The following PLCXD2 variants were observed in gnomAD, a reference collection of about 807,000 sequenced individuals.
The protein encoded by PLCXD2 is PI-PLC X domain-containing protein 2.
Under a neutral mutation model 28.6 loss-of-function variants are expected in PLCXD2, and 21 were observed. The ratio of observed to expected loss-of-function variants is 0.73; its 90% CI spans 0.52 to 1.06. PLCXD2 has a LOEUF of 1.06. Ranked by LOEUF, PLCXD2 falls within the 50% of genes least tolerant of loss-of-function variation. The pLI is 0.00. For synonymous variants in PLCXD2, 140 were observed against 150.1 expected (o/e 0.93, Z 0.49); for missense variants, 369 against 376.7 (o/e 0.98, Z 0.17).
intron 3 of PLCXD2, chr3:111,724,988 G>A (rs1329493737): frequency 6.6e-6 from 1 of 152,226 alleles, no homozygotes; most frequent in Non-Finnish European, 1.5e-5. Context: ...TACTCAGGGG[G>A]TGTGCAGATA....
At chr3:111,682,984 C>T (rs1940738924) in intron 1 of PLCXD2, among the ~76,000 whole-genome samples, 1 of 152,050 alleles carries the variant, frequency 6.6e-6, no homozygotes, top group African/African-American at 2.4e-5. Flanking sequence ...TACTGAATGC[C>T]CTTTTGTGCC....
intron 3 of PLCXD2, among the ~76,000 whole-genome samples, chr3:111,717,865 T>G (rs1576465011): frequency 6.6e-6 from 1 of 152,202 alleles, no homozygotes; most frequent in Non-Finnish European, 1.5e-5. Context: ...TATTTGCAGC[T>G]TCTCACTTCC....
intron 1 of PLCXD2, among the ~76,000 whole-genome samples, chr3:111,678,237 A>G (rs1407869104): frequency 1.3e-5 from 2 of 152,246 alleles, no homozygotes; most frequent in East Asian, 3.8e-4. Flanking sequence ...CGCAACTGTT[A>G]AGAACACCTG....
intron 1 of PLCXD2, chr3:111,677,247 G>A (rs1404810835): frequency 1.3e-5 from 2 of 152,160 alleles, no homozygotes; most frequent in Non-Finnish European, 2.9e-5. Flanking sequence ...GTATGTATGT[G>A]TAGGCTCAAG....
intron 3 of PLCXD2, chr3:111,723,222 T>C (rs1941370082): frequency 6.6e-6 from 1 of 152,196 alleles, no homozygotes; most frequent in Non-Finnish European, 1.5e-5. Context: ...AGAATTACTG[T>C]TCTCTGTTTT....
Position 111,708,200 on chromosome 3 carries a change from T to A in PLCXD2, c.438T>A (p.Ile146=). The change falls in exon 2 of 5, where the codon ATT becomes ATA. Residue 146 remains isoleucine (I), a synonymous_variant. Transcript: ENST00000477665. ...AGGTCTGGGATGGGCTGATGGAAAT[T>A]GACTCGTTTCTTACACAGCACCCCC... The A allele has an allele frequency of 3.1e-6, 5 of 1,614,138 alleles. No individual in the cohort carries two copies. Among genetic ancestry groups the A allele is most frequent in the Non-Finnish European group, 4.2e-6 (5 of 1,180,018 alleles).
At chr3:111,705,354 A>G (rs573424063) in intron 1 of PLCXD2, among the ~76,000 whole-genome samples, 1 of 152,206 alleles carries the variant, frequency 6.6e-6, no homozygotes, top group East Asian at 1.9e-4. Flanking sequence ...ATTCTTTTTT[A>G]TGGATGAATA....
chr3:111,717,803 T>C (rs1439971097), intron 3 of PLCXD2, among the ~76,000 whole-genome samples: 2 of 152,210 alleles, frequency 1.3e-5, no homozygotes, highest in African/African-American at 2.4e-5. Context: ...AGTACTACTG[T>C]GTCCTTGGTG....
chr3:111,687,691 T>C (rs1940814955), intron 1 of PLCXD2, among the ~76,000 whole-genome samples: 1 of 151,246 alleles, frequency 6.6e-6, no homozygotes, highest in African/African-American at 2.4e-5. Context: ...TTTCTTTTTT[T>C]TTTTTTTGTT....
At chr3:111,697,190 A>G (rs1368075948) in intron 1 of PLCXD2, among the ~76,000 whole-genome samples, 2 of 152,194 alleles carry the variant, frequency 1.3e-5, no homozygotes, top group African/African-American at 4.8e-5. Flanking sequence ...CGTGTGAGCT[A>G]GCAAAAACAT....
At chr3:111,712,762 C>T (rs976889308) in intron 2 of PLCXD2, among the ~76,000 whole-genome samples, 9 of 152,172 alleles carry the variant, frequency 5.9e-5, no homozygotes, top group African/African-American at 2.2e-4. Context: ...CAGTCCAGGC[C>T]TCGTGAGCAT....
At chr3:111,678,028 A>T (rs541036256) in intron 1 of PLCXD2, among the ~76,000 whole-genome samples, 23 of 152,302 alleles carry the variant, frequency 1.5e-4, no homozygotes, top group South Asian at 6.2e-4. Flanking sequence ...ACTGGGTCAG[A>T]TCTATCAGGA....
At chr3:111,714,812 A>T (rs1941247018) in intron 3 of PLCXD2, among the ~76,000 whole-genome samples, 1 of 152,174 alleles carries the variant, frequency 6.6e-6, no homozygotes, top group Non-Finnish European at 1.5e-5. Flanking sequence ...GTATGTGTCT[A>T]TGTACCTGTA....
intron 1 of PLCXD2, among the ~76,000 whole-genome samples, chr3:111,701,710 A>G (rs1941046539): frequency 6.6e-6 from 1 of 152,204 alleles, no homozygotes; most frequent in Non-Finnish European, 1.5e-5. Context: ...CAATGAGTCT[A>G]TCAATGAGAA....
intron 1 of PLCXD2, among the ~76,000 whole-genome samples, chr3:111,688,047 G>A (rs1940822135): frequency 6.6e-6 from 1 of 152,228 alleles, no homozygotes; most frequent in African/African-American, 2.4e-5. Flanking sequence ...AGTTCAGAGT[G>A]TAGGTTGTAG....
At chr3:111,721,007 C>T (rs1941338213) in intron 3 of PLCXD2, 1 of 401,368 alleles carries the variant, frequency 2.5e-6, no homozygotes, top group African/African-American at 2.1e-5. Flanking sequence ...TTTTTTTTCT[C>T]CCTTCCTCAC....
In PLCXD2 at chr3:111,708,452, G is replaced by A. The variant is rs991824398; in HGVS notation, c.624+66G>A. On this transcript the variant is annotated intron_variant, in intron 2 of 4. Coordinates refer to ENST00000477665, the MANE Select transcript of PLCXD2 (RefSeq NM_001185106.1). Reference sequence around the variant, plus strand: ...TAACTCTTCCTGCTTTTCCTGTATTGCCGTCTGTAAAATCACTCAATCCAG... The same window carrying A: ...TAACTCTTCCTGCTTTTCCTGTATTACCGTCTGTAAAATCACTCAATCCAG... 1.5e-5 allele frequency: 21 copies of A among 1,434,816 alleles called. No homozygotes were observed. In the African/African-American group the frequency reaches 2.7e-4, roughly 18 times the overall value. The allele number at this position is 1,434,816 out of a possible 1,614,324, so 88.9% of individuals were successfully genotyped here. A position where few individuals can be genotyped will look rare whatever the true frequency, so the allele number is the denominator to read the frequency against.
At chr3:111,677,429 A>G (rs1431979749) in intron 1 of PLCXD2, 1 of 152,206 alleles carries the variant, frequency 6.6e-6, no homozygotes, top group Non-Finnish European at 1.5e-5. Context: ...AATGGGGGCC[A>G]TCATCGTCCC....
intron 1 of PLCXD2, among the ~76,000 whole-genome samples, chr3:111,706,022 CTTT>C (rs1028190202): frequency 4.0e-5 from 6 of 151,788 alleles, no homozygotes; most frequent in Admixed American, 3.9e-4. Context: ...CTCCTGGCTA[CTTT>C]TTTTGTATTT....
Sources: gnomAD v4.1 joint callset for allele counts (sites outside exome capture counted in the v4.1 genomes callset) on GRCh38, gnomAD v4.1.1 for gene constraint, MANE v1.5 for transcripts, NCBI Gene and HGNC (gene_info 2026-07-23, HGNC 2026-07-21) for gene names.